GALNT17: variants seen among roughly 807,000 people sequenced by gnomAD.
The protein encoded by GALNT17 is polypeptide N-acetylgalactosaminyltransferase 17, also known as UDP-GalNAc:polypeptide N-acetylgalactosaminyltransferase-like 3.
Under a neutral mutation model 63.7 loss-of-function variants are expected in GALNT17, and 29 were observed. The observed-to-expected ratio is 0.46, with a 90% CI of 0.34 to 0.62. GALNT17 has a LOEUF of 0.62. Ranked by LOEUF, GALNT17 falls within the 20% of genes least tolerant of loss-of-function variation. GALNT17 has a pLI of 0.01. For synonymous variants in GALNT17, 305 were observed against 318.3 expected (o/e 0.96, Z 0.45); for missense variants, 603 against 799.6 (o/e 0.75, Z 2.97).
chr7:71,166,178 T>C (rs551610691), intron 1 of GALNT17, among the ~76,000 whole-genome samples: 1 of 152,352 alleles, frequency 6.6e-6, no homozygotes, highest in South Asian at 2.1e-4. Context: ...AGCAGCCTTG[T>C]AGCGCTAAAG....
intron 5 of GALNT17, among the ~76,000 whole-genome samples, chr7:71,428,005 C>A (rs2116476460): frequency 1.3e-5 from 2 of 152,276 alleles, no homozygotes; most frequent in East Asian, 3.9e-4. Flanking sequence ...TCCATGAAAC[C>A]AGTCCCTGGT....
In GALNT17 at chr7:71,242,751, AGACTGCC is replaced by A. The variant is rs1790022942; in HGVS notation, c.239-92798_239-92792del. ...GGGCCCCTGAGGACTTTGCTGTGCA[AGACTGCC>A]ATCTTCCCTGGTAAAGCTGGTGTCA... On this transcript the variant is annotated intron_variant, in intron 1 of 10. Transcript: ENST00000333538. Among the ~76,000 whole-genome samples, 11 of 152,296 alleles carry A rather than the reference AGACTGCC, an allele frequency of 7.2e-5. 1 individual carries two copies. In the South Asian group the frequency reaches 2.3e-3, roughly 32 times the overall value.
chr7:71,302,290 C>A (rs1402718258), intron 1 of GALNT17, among the ~76,000 whole-genome samples: 1 of 152,168 alleles, frequency 6.6e-6, no homozygotes, highest in East Asian at 1.9e-4. Flanking sequence ...CAGCAAACCA[C>A]CATGGCACAT....
chr7:71,379,794 T>C (rs1314370765), intron 2 of GALNT17, among the ~76,000 whole-genome samples: 2 of 152,060 alleles, frequency 1.3e-5, no homozygotes, highest in Non-Finnish European at 2.9e-5. Context: ...GAAGTTTCAG[T>C]GAAGGTCCAG....
chr7:71,178,990 A>G (rs1788687752), intron 1 of GALNT17, among the ~76,000 whole-genome samples: 1 of 152,140 alleles, frequency 6.6e-6, no homozygotes, highest in Non-Finnish European at 1.5e-5. Flanking sequence ...GGATCCTGCT[A>G]TATTCCTTTC....
intron 5 of GALNT17, among the ~76,000 whole-genome samples, chr7:71,502,097 A>G (rs1333363281): frequency 2.0e-5 from 3 of 152,176 alleles, no homozygotes; most frequent in Non-Finnish European, 2.9e-5. Flanking sequence ...GCCTTTCAAC[A>G]TACGCAGGCT....
At chr7:71,186,699 T>C (rs916224311) in intron 1 of GALNT17, among the ~76,000 whole-genome samples, 3 of 152,182 alleles carry the variant, frequency 2.0e-5, no homozygotes, top group African/African-American at 4.8e-5. Context: ...GTAAACTCAC[T>C]TCCCTAACAA....
intron 2 of GALNT17, among the ~76,000 whole-genome samples, chr7:71,348,366 T>A (rs1308580603): frequency 2.6e-5 from 4 of 152,198 alleles, no homozygotes. Flanking sequence ...ATTGGCAATG[T>A]TAATTAGATC....
At chr7:71,171,109 T>C (rs990307409) in intron 1 of GALNT17, among the ~76,000 whole-genome samples, 2 of 152,242 alleles carry the variant, frequency 1.3e-5, no homozygotes, top group Admixed American at 6.5e-5. Context: ...TTTAGAAAGA[T>C]AATTTAAGTC....
chr7:71,636,970 C>G (rs1790535965), intron 6 of GALNT17, among the ~76,000 whole-genome samples: 1 of 152,110 alleles, frequency 6.6e-6, no homozygotes, highest in African/African-American at 2.4e-5. Context: ...GGATTCAAAT[C>G]CCAGCTCAAC....
At chr7:71,578,004 CATTTATTT>C (rs60916222) in intron 6 of GALNT17, among the ~76,000 whole-genome samples, 44,428 of 142,994 alleles carry the variant, frequency 0.31, 6,919 homozygotes, top group Admixed American at 0.33. Flanking sequence ...GGGTTGTTTA[CATTTATTT>C]ATTTATTTAT....
intron 1 of GALNT17, among the ~76,000 whole-genome samples, chr7:71,169,345 G>A (rs975726033): frequency 6.6e-6 from 1 of 152,080 alleles, no homozygotes; most frequent in Non-Finnish European, 1.5e-5. Flanking sequence ...TCAAGGTAGT[G>A]GCCTCACATC....
intron 1 of GALNT17, among the ~76,000 whole-genome samples, chr7:71,264,021 A>C (rs576425260): frequency 6.6e-6 from 1 of 152,170 alleles, no homozygotes; most frequent in Admixed American, 6.5e-5. Context: ...CCTAGGTGAT[A>C]CTGCTGGTCT....
At chr7:71,412,367 T>C (rs1207339058) in intron 3 of GALNT17, among the ~76,000 whole-genome samples, 2 of 150,730 alleles carry the variant, frequency 1.3e-5, no homozygotes, top group Non-Finnish European at 3.0e-5. Context: ...TCCTAGGCCA[T>C]CATCTCCCTT....
At chr7:71,698,672 C>T (rs1338408794) in intron 9 of GALNT17, among the ~76,000 whole-genome samples, 1 of 151,906 alleles carries the variant, frequency 6.6e-6, no homozygotes, top group South Asian at 2.1e-4. Context: ...GCAACTAATC[C>T]AAGCAAAGGC....
chr7:71,338,898 T>C (rs1238613825), intron 2 of GALNT17, among the ~76,000 whole-genome samples: 1 of 152,212 alleles, frequency 6.6e-6, no homozygotes, highest in East Asian at 1.9e-4. Flanking sequence ...GAGAAACCTG[T>C]TAAATCTCTC....
At chr7:71,304,834 C>T (rs1179802507) in intron 1 of GALNT17, among the ~76,000 whole-genome samples, 1 of 152,060 alleles carries the variant, frequency 6.6e-6, no homozygotes, top group African/African-American at 2.4e-5. Flanking sequence ...ACCTCCGCCT[C>T]TTGGGTTCAA....
intron 6 of GALNT17, among the ~76,000 whole-genome samples, chr7:71,662,814 T>C (rs149420063): frequency 7.5e-4 from 115 of 152,348 alleles, no homozygotes; most frequent in African/African-American, 2.6e-3. Context: ...ATTTTTACTC[T>C]TATGTTTTCT....
chr7:71,617,993 C>G (rs1299403536), intron 6 of GALNT17, among the ~76,000 whole-genome samples: 1 of 151,976 alleles, frequency 6.6e-6, no homozygotes, highest in Non-Finnish European at 1.5e-5. Context: ...TCTAGTAGTC[C>G]ACAATATCTG....
Sources: allele counts gnomAD v4.1 joint callset (sites outside exome capture counted in the v4.1 genomes callset), GRCh38; gene constraint gnomAD v4.1.1; transcripts MANE v1.5; gene names NCBI Gene and HGNC (gene_info 2026-07-23, HGNC 2026-07-21).